The following DGCR2 variants were observed in gnomAD, a reference collection of about 807,000 sequenced individuals.
DGCR2 encodes the protein DiGeorge syndrome critical region gene 2.
In DGCR2, 24 loss-of-function variants were observed where a neutral mutation model predicts 51.6. That is an observed-to-expected ratio of 0.47 (90% CI 0.34 to 0.65). The LOEUF (loss-of-function observed/expected upper bound fraction) is 0.65. Among genes scored for constraint, DGCR2 ranks in the 30% least tolerant of loss-of-function variants. The pLI is 0.01. For missense variants in DGCR2, 765 were observed against 772.1 expected, an observed-to-expected ratio of 0.99 and a Z score of 0.11; for synonymous variants, 340 against 315.4, an observed-to-expected ratio of 1.08 and a Z score of -0.82.
chr22:19,057,104 G>C lies in DGCR2; in HGVS notation c.684C>G (p.Asn228Lys). The stretch of plus-strand genomic sequence containing the variant: ...GAAGCTGGGCACAGAACACGTTGTC[G>C]TTCTCAGACATGGCCGAGGCAAAGA... ...DPIFASAMSE[N>K]DNVFCAQLQC... Residue 228 changes from asparagine (N) to lysine (K), a missense_variant, in exon 6 of 10, where the codon AAC (asparagine) becomes AAG (lysine). By Grantham distance (94) the Asn-to-Lys change is moderately conservative (BLOSUM62 0). Transcript: ENST00000263196. This position sits in a 1 kb window ranked among gnomAD's most constrained non-coding sequence, Gnocchi z 5.1. 1 of 1,607,652 alleles carries C rather than the reference G, an allele frequency of 6.2e-7. No individual in the cohort carries two copies. Among genetic ancestry groups the C allele is most frequent in the Non-Finnish European group, 8.5e-7 (1 of 1,177,182 alleles).
chr22:19,112,759 G>A (rs1351337824), intron 1 of DGCR2, among the ~76,000 whole-genome samples: 2 of 144,310 alleles, frequency 1.4e-5, no homozygotes, highest in Non-Finnish European at 3.1e-5. Context: ...GAACCTAACT[G>A]TGTAACAATC....
chr22:19,078,702 T>A (rs79107254), intron 2 of DGCR2, among the ~76,000 whole-genome samples: 2,499 of 152,334 alleles, frequency 0.016, 88 homozygotes, highest in East Asian at 0.062. Flanking sequence ...TGCTGAGACA[T>A]CCTTGCATTA....
chr22:19,096,389 AAC>A (rs1393083006), intron 1 of DGCR2, among the ~76,000 whole-genome samples: 1 of 152,166 alleles, frequency 6.6e-6, no homozygotes, highest in Non-Finnish European at 1.5e-5. Context: ...TAGGTACAAA[AAC>A]ACAGTTAACT....
At chr22:19,046,644 G>T in intron 7 of DGCR2, 1 of 291,208 alleles carries the variant, frequency 3.4e-6, no homozygotes, top group Non-Finnish European at 7.6e-6. Context: ...CTCCAGTTTT[G>T]GTGATAGTGT....
At chr22:19,120,767 T>A (rs1199994413) in intron 1 of DGCR2, among the ~76,000 whole-genome samples, 1 of 152,156 alleles carries the variant, frequency 6.6e-6, no homozygotes, top group Non-Finnish European at 1.5e-5. Flanking sequence ...TCTAAAGAAG[T>A]TAATCACAAG....
At chr22:19,090,246 G>C (rs2083064077) in intron 1 of DGCR2, among the ~76,000 whole-genome samples, 2 of 152,138 alleles carry the variant, frequency 1.3e-5, no homozygotes, top group African/African-American at 2.4e-5. Flanking sequence ...CTAATACATG[G>C]GGGAACAGAC....
intron 2 of DGCR2, among the ~76,000 whole-genome samples, chr22:19,085,319 G>A (rs1459672046): frequency 6.6e-6 from 1 of 152,182 alleles, no homozygotes; most frequent in African/African-American, 2.4e-5. Context: ...TATAGGTTAG[G>A]AAACTGCAAA....
chr22:19,075,395 C>T (rs954964434), intron 2 of DGCR2, among the ~76,000 whole-genome samples: 5 of 151,408 alleles, frequency 3.3e-5, no homozygotes, highest in Admixed American at 6.6e-5. Context: ...TGCAGTGAGC[C>T]GAGATCGTGC....
chr22:19,062,008 C>T (rs1268285469), intron 5 of DGCR2, among the ~76,000 whole-genome samples: 1 of 152,208 alleles, frequency 6.6e-6, no homozygotes, highest in African/African-American at 2.4e-5. Context: ...CCCCCAGTCC[C>T]CAACTCTGAA....
At chr22:19,100,092 G>A (rs988873704) in intron 1 of DGCR2, among the ~76,000 whole-genome samples, 4 of 151,922 alleles carry the variant, frequency 2.6e-5, no homozygotes, top group Admixed American at 6.6e-5. Context: ...TGGACAAGGC[G>A]AAACCCTGTC....
intron 5 of DGCR2, among the ~76,000 whole-genome samples, chr22:19,058,708 A>G (rs1434308596): frequency 6.6e-6 from 1 of 152,248 alleles, no homozygotes; most frequent in Non-Finnish European, 1.5e-5. Flanking sequence ...AGTACATGAC[A>G]GCAGACTGAG....
intron 2 of DGCR2, among the ~76,000 whole-genome samples, chr22:19,089,030 GA>G (rs1176370321): frequency 6.6e-6 from 1 of 152,138 alleles, no homozygotes; most frequent in Non-Finnish European, 1.5e-5. Context: ...CCAGGATGGG[GA>G]TAAGGTCAGA....
At chr22:19,073,669 A>C (rs1014493764) in intron 2 of DGCR2, among the ~76,000 whole-genome samples, 2 of 152,338 alleles carry the variant, frequency 1.3e-5, no homozygotes, top group Middle Eastern at 3.4e-3. Context: ...TAACCTTCAA[A>C]ATTATGGGAA....
chr22:19,062,775 G>GCACATGCATGCTCTCTCTCTCTC (rs1555903875), intron 5 of DGCR2, among the ~76,000 whole-genome samples: 3 of 108,860 alleles, frequency 2.8e-5, no homozygotes, highest in Non-Finnish European at 1.9e-5. Context: ...ACACATGCAT[G>GCACATGCATGCTCTCTCTCTCTC]CTCACTCTCT....
chr22:19,061,142 T>C (rs1054168940), intron 5 of DGCR2: 1 of 236,096 alleles, frequency 4.2e-6, no homozygotes, highest in Non-Finnish European at 8.5e-6. Flanking sequence ...TTTTGGGTAT[T>C]TTTGGGGGGG....
At chr22:19,046,760 C>T (rs147071008) in intron 7 of DGCR2, 379 of 445,456 alleles carry the variant, frequency 8.5e-4, no homozygotes, top group African/African-American at 6.8e-3. Context: ...TCGCTCTGGC[C>T]GTGCAGGAGA....
rs1030337689 is a variant in DGCR2, at chr22:19,036,992, C to CT, written c.*1872dup. On this transcript the variant is annotated 3_prime_UTR_variant, in exon 10 of 10. Coordinates refer to ENST00000263196, the MANE Select transcript of DGCR2 (RefSeq NM_005137.3). ...CTCAGGCTCAGGCCCGTGGGGGACT[C>CT]TGCTGCGTGGTCCTCGGGCCCTCAC... 1 of 152,536 alleles carries CT rather than the reference C, an allele frequency of 6.6e-6. No individual in the cohort carries two copies. The highest frequency in any genetic ancestry group is 2.4e-5 in the African/African-American group (1 of 41,482). The allele number at this position is 152,536 out of a possible 1,614,324, so 9.4% of individuals were successfully genotyped here.
chr22:19,115,673 C>A (rs1384109614), intron 1 of DGCR2, among the ~76,000 whole-genome samples: 1 of 152,238 alleles, frequency 6.6e-6, no homozygotes, highest in Non-Finnish European at 1.5e-5. Flanking sequence ...GGTGACAGAG[C>A]ATGAATGTGA....
At chr22:19,047,822 C>T (rs190196439) in intron 7 of DGCR2, 1 of 153,604 alleles carries the variant, frequency 6.5e-6, no homozygotes, top group East Asian at 1.9e-4. Context: ...AAATGGATGA[C>T]TGTAAGCAAT....
Sources: gnomAD v4.1 joint callset for allele counts (sites outside exome capture counted in the v4.1 genomes callset) on GRCh38, gnomAD v4.1.1 for gene constraint, Gnocchi (gnomAD v3.1) non-coding constraint, MANE v1.5 for transcripts, NCBI Gene and HGNC (gene_info 2026-07-23, HGNC 2026-07-21) for gene names.